Variants in DLG2 observed in about 807,000 individuals in gnomAD.
The protein encoded by DLG2 is discs large MAGUK scaffold protein 2.
In DLG2, 45 loss-of-function variants were observed where a neutral mutation model predicts 132.5. The observed-to-expected ratio is 0.34, with a 90% CI of 0.27 to 0.44. The LOEUF is 0.44. DLG2 is among the 20% of genes least tolerant of loss of function. DLG2 has a pLI of 1.00. For missense variants in DLG2, 1,045 were observed against 1,196.9 expected, an observed-to-expected ratio of 0.87 and a Z score of 1.87; for synonymous variants, 424 against 419.6, an observed-to-expected ratio of 1.01 and a Z score of -0.13.
Position 85,412,193 on chromosome 11 carries a change from G to A in DLG2, c.41-126828C>T, listed in dbSNP as rs1024679719. On this transcript the variant is annotated intron_variant, in intron 3 of 27. Coordinates refer to ENST00000376104, the MANE Select transcript of DLG2 (RefSeq NM_001142699.3). ...TCGGCTCAATAAGACTGAAGGAAATGATTTTTGTTCAATAGCTGGCAGGAG... is the reference window on the plus strand; with the variant it reads ...TCGGCTCAATAAGACTGAAGGAAATAATTTTTGTTCAATAGCTGGCAGGAG... 7.9e-5 allele frequency among the ~76,000 whole-genome samples: 12 copies of A among 151,926 alleles called. No individual in the cohort carries two copies. In the South Asian group the frequency reaches 2.5e-3, roughly 32 times the overall value.
intron 6 of DLG2, among the ~76,000 whole-genome samples, chr11:85,093,820 AAACT>A (rs1184070454): frequency 1.3e-5 from 2 of 152,206 alleles, no homozygotes; most frequent in African/African-American, 4.8e-5. Flanking sequence ...GGACACAGCC[AAACT>A]ATTATCACCC....
intron 5 of DLG2, among the ~76,000 whole-genome samples, chr11:85,116,865 A>G (rs2073668367): frequency 1.3e-5 from 2 of 152,060 alleles, no homozygotes; most frequent in Admixed American, 1.3e-4. Flanking sequence ...CTAAAGATTT[A>G]GAAAGGGGGA....
rs2060375170 is a variant in DLG2, at chr11:84,711,224, C to A, written c.358-176493G>T. Among the ~76,000 whole-genome samples, 3 of 151,360 alleles carry A rather than the reference C, an allele frequency of 2.0e-5. No individual in the cohort carries two copies. The Admixed American group carries it at 2.0e-4, about 10-fold the overall frequency. ...TTGCGTTTATGATTTATCAGCTTCT[C>A]TGTACCTTACTAGACAAGAATGGCC... On this transcript the variant is annotated intron_variant, in intron 6 of 27. Coordinates refer to ENST00000376104, the MANE Select transcript of DLG2 (RefSeq NM_001142699.3).
At chr11:83,547,507 G>C (rs1592925639) in intron 19 of DLG2, among the ~76,000 whole-genome samples, 1 of 152,192 alleles carries the variant, frequency 6.6e-6, no homozygotes, top group East Asian at 1.9e-4. Flanking sequence ...ACCCACCACT[G>C]CTGGCTTCAA....
In DLG2 at chr11:85,572,667, A is replaced by T. The variant is rs1193846018; in HGVS notation, c.40+25990T>A. 3.3e-5 allele frequency among the ~76,000 whole-genome samples: 5 copies of T among 152,320 alleles called. No homozygotes were observed. The East Asian group carries it at 5.8e-4, about 18-fold the overall frequency. On this transcript the variant is annotated intron_variant, in intron 3 of 27. Transcript: ENST00000376104. The stretch of plus-strand genomic sequence containing the variant: ...GAAGCCCACCCACAATTTTCTTTGT[A>T]AGAAACATGAGATGAATGCAGGAAA...
intron 7 of DLG2, among the ~76,000 whole-genome samples, chr11:84,490,649 C>CAA (rs5793124): frequency 0.037 from 2,567 of 68,880 alleles, 51 homozygotes; most frequent in Non-Finnish European, 0.06. Flanking sequence ...CATATATGAG[C>CAA]AAAAAAAAAA....
At chr11:84,833,830 C>T (rs2079357799) in intron 6 of DLG2, among the ~76,000 whole-genome samples, 2 of 151,736 alleles carry the variant, frequency 1.3e-5, no homozygotes, top group South Asian at 4.1e-4. Context: ...TCAGATTTTT[C>T]CTGAAGTCAA....
chr11:85,486,779 C>T (rs1207926852), intron 3 of DLG2, among the ~76,000 whole-genome samples: 2 of 151,954 alleles, frequency 1.3e-5, no homozygotes, highest in Admixed American at 1.3e-4. Flanking sequence ...GAGTGCCTGC[C>T]CACAAGCCTG....
At chr11:85,287,467 T>C (rs2078633107) in intron 3 of DLG2, among the ~76,000 whole-genome samples, 1 of 152,102 alleles carries the variant, frequency 6.6e-6, no homozygotes, top group Non-Finnish European at 1.5e-5. Flanking sequence ...CATAGTCAAA[T>C]GCCATTTACA....
intron 3 of DLG2, among the ~76,000 whole-genome samples, chr11:85,503,842 G>C (rs919636133): frequency 5.3e-5 from 8 of 152,084 alleles, no homozygotes; most frequent in Non-Finnish European, 1.2e-4. Flanking sequence ...TGAGGCATGA[G>C]GATCACTTGA....
chr11:85,401,570 G>T (rs1258016905), intron 3 of DLG2, among the ~76,000 whole-genome samples: 1 of 152,178 alleles, frequency 6.6e-6, no homozygotes, highest in Admixed American at 6.5e-5. Context: ...CAGATGACAT[G>T]ATTGTATATT....
intron 14 of DLG2, among the ~76,000 whole-genome samples, chr11:83,949,942 G>A (rs2084973874): frequency 1.3e-5 from 2 of 152,174 alleles, no homozygotes; most frequent in South Asian, 4.1e-4. Flanking sequence ...AGTTTTATAA[G>A]TTATAATTTG....
chr11:84,770,046 G>A (rs2153886610), intron 6 of DLG2, among the ~76,000 whole-genome samples: 1 of 152,282 alleles, frequency 6.6e-6, no homozygotes. Flanking sequence ...GGTGGGAGAT[G>A]TGTGGGTTAT....
chr11:85,171,336 G>C (rs570310996), intron 4 of DLG2, among the ~76,000 whole-genome samples: 2 of 152,172 alleles, frequency 1.3e-5, no homozygotes, highest in African/African-American at 4.8e-5. Context: ...CCAGCCAAGG[G>C]AGGTGGTGAG....
chr11:84,503,659 T>C (rs1567811546), intron 7 of DLG2, among the ~76,000 whole-genome samples: 1 of 152,186 alleles, frequency 6.6e-6, no homozygotes, highest in Admixed American at 6.5e-5. Flanking sequence ...GCTCCAGGGC[T>C]AGATTGCCTG....
intron 25 of DLG2, among the ~76,000 whole-genome samples, chr11:83,468,363 A>G (rs1253638953): frequency 6.6e-6 from 1 of 152,212 alleles, no homozygotes; most frequent in Non-Finnish European, 1.5e-5. Flanking sequence ...CACCAGTCAG[A>G]ACATTTCAAG....
chr11:85,289,551 T>A (rs2078764056), intron 3 of DLG2, among the ~76,000 whole-genome samples: 1 of 152,168 alleles, frequency 6.6e-6, no homozygotes, highest in Non-Finnish European at 1.5e-5. Flanking sequence ...AAAGAAAATA[T>A]GTTTGGAAAG....
chr11:83,510,838 T>G (rs1033783779), intron 21 of DLG2, among the ~76,000 whole-genome samples: 3 of 145,346 alleles, frequency 2.1e-5, no homozygotes, highest in Admixed American at 1.4e-4. Context: ...CCGTTTTTTT[T>G]TTTTTTTTTT....
At chr11:84,444,906 G>A (rs945736146) in intron 7 of DLG2, among the ~76,000 whole-genome samples, 2 of 151,576 alleles carry the variant, frequency 1.3e-5, no homozygotes, top group Non-Finnish European at 2.9e-5. Context: ...AGGTTGAAGC[G>A]ATTCTCCTGC....
Sources: allele counts gnomAD v4.1 joint callset (sites outside exome capture counted in the v4.1 genomes callset), GRCh38; gene constraint gnomAD v4.1.1; transcripts MANE v1.5; gene names NCBI Gene and HGNC (gene_info 2026-07-23, HGNC 2026-07-21).